The following NXPH1 variants were observed in gnomAD, a reference collection of about 807,000 sequenced individuals.
The protein encoded by NXPH1 is neurexophilin-1.
Under a neutral mutation model 23.7 loss-of-function variants are expected in NXPH1, and 5 were observed. The ratio of observed to expected loss-of-function variants is 0.21; its 90% CI spans 0.11 to 0.44. NXPH1 has a LOEUF of 0.44. Ranked by LOEUF, NXPH1 falls within the 20% of genes least tolerant of loss-of-function variation. NXPH1 has a pLI of 0.99. For missense variants in NXPH1, 324 were observed against 321.6 expected (o/e 1.01, Z -0.06); for synonymous variants, 144 against 122.2 (o/e 1.18, Z -1.18).
chr7:8,617,328 CA>C (rs1286899909), intron 2 of NXPH1, among the ~76,000 whole-genome samples: 1 of 152,156 alleles, frequency 6.6e-6, no homozygotes, highest in South Asian at 2.1e-4. Flanking sequence ...GAAAGGAAAT[CA>C]GTATATCAAA....
chr7:8,585,778 G>C (rs566508458), intron 2 of NXPH1, among the ~76,000 whole-genome samples: 1 of 152,320 alleles, frequency 6.6e-6, no homozygotes, highest in East Asian at 1.9e-4. Flanking sequence ...GGGCAGGGCA[G>C]GCAGACAGCC....
chr7:8,698,605 T>C (rs1779572572), intron 2 of NXPH1, among the ~76,000 whole-genome samples: 1 of 146,144 alleles, frequency 6.8e-6, no homozygotes, highest in South Asian at 2.2e-4. Context: ...TGGGGTACTA[T>C]ACTGATTTTT....
chr7:8,660,004 C>T (rs1158588551), intron 2 of NXPH1, among the ~76,000 whole-genome samples: 4 of 152,138 alleles, frequency 2.6e-5, no homozygotes, highest in Non-Finnish European at 1.5e-5. Context: ...TTGGGGAATA[C>T]TTAAGAGGAG....
intron 2 of NXPH1, among the ~76,000 whole-genome samples, chr7:8,738,565 G>T (rs1780302895): frequency 6.6e-6 from 1 of 152,156 alleles, no homozygotes; most frequent in African/African-American, 2.4e-5. Flanking sequence ...GTCGACCCCT[G>T]CTTGGGGGTA....
chr7:8,566,569 C>T (rs539736768), intron 2 of NXPH1, among the ~76,000 whole-genome samples: 1 of 151,886 alleles, frequency 6.6e-6, no homozygotes, highest in South Asian at 2.1e-4. Context: ...CTCTGTCTCT[C>T]CTGGAGCTGG....
intron 2 of NXPH1, among the ~76,000 whole-genome samples, chr7:8,539,024 G>A (rs1818070326): frequency 6.6e-6 from 1 of 151,894 alleles, no homozygotes; most frequent in Non-Finnish European, 1.5e-5. Flanking sequence ...AATGAGGCTA[G>A]TAAAAGAAAT....
intron 2 of NXPH1, among the ~76,000 whole-genome samples, chr7:8,437,808 T>C (rs376776168): frequency 1.4e-4 from 21 of 152,338 alleles, no homozygotes; most frequent in African/African-American, 4.3e-4. Flanking sequence ...AATTACCGTT[T>C]AGTTACAGAC....
chr7:8,643,177 A>T (rs200697305), intron 2 of NXPH1, among the ~76,000 whole-genome samples: 1 of 20,512 alleles, frequency 4.9e-5, no homozygotes, highest in South Asian at 2.2e-3. Context: ...ATACACTTTT[A>T]TAAGTGAAGG....
At chr7:8,640,792 A>G (rs928526738) in intron 2 of NXPH1, among the ~76,000 whole-genome samples, 1 of 152,076 alleles carries the variant, frequency 6.6e-6, no homozygotes, top group Non-Finnish European at 1.5e-5. Flanking sequence ...CCTCATGACT[A>G]CAAAAAGTAA....
intron 2 of NXPH1, among the ~76,000 whole-genome samples, chr7:8,668,731 T>C (rs144140810): frequency 6.6e-6 from 1 of 151,710 alleles, no homozygotes; most frequent in Non-Finnish European, 1.5e-5. Context: ...GTTCATAGGG[T>C]CTGGCTTGGT....
intron 2 of NXPH1, among the ~76,000 whole-genome samples, chr7:8,686,902 A>G (rs1030590776): frequency 6.6e-6 from 1 of 152,132 alleles, no homozygotes; most frequent in African/African-American, 2.4e-5. Flanking sequence ...ATTACCATAA[A>G]CAAATGACGA....
intron 2 of NXPH1, among the ~76,000 whole-genome samples, chr7:8,734,684 G>A (rs1162207859): frequency 6.6e-6 from 1 of 152,184 alleles, no homozygotes; most frequent in African/African-American, 2.4e-5. Context: ...TTGGGGTGGA[G>A]AGTTCTGTAA....
At chr7:8,685,794 G>C (rs1460077166) in intron 2 of NXPH1, among the ~76,000 whole-genome samples, 1 of 149,756 alleles carries the variant, frequency 6.7e-6, no homozygotes, top group African/African-American at 2.5e-5. Context: ...AGGGAATGGC[G>C]GGGGGAAGTG....
At chr7:8,646,863 A>AT (rs57038153) in intron 2 of NXPH1, among the ~76,000 whole-genome samples, 12 of 149,994 alleles carry the variant, frequency 8.0e-5, no homozygotes, top group African/African-American at 9.8e-5. Flanking sequence ...GGTTTCTGTC[A>AT]TTTTTTTTTT....
intron 2 of NXPH1, among the ~76,000 whole-genome samples, chr7:8,525,911 G>T (rs1295312668): frequency 6.6e-6 from 1 of 152,200 alleles, no homozygotes. Context: ...AGAAATGTGG[G>T]GTTGGAGCCC....
chr7:8,569,011 C>T (rs1021250056), intron 2 of NXPH1, among the ~76,000 whole-genome samples: 1 of 151,826 alleles, frequency 6.6e-6, no homozygotes, highest in Admixed American at 6.6e-5. Flanking sequence ...TGACCCTTGA[C>T]AATATAAGTC....
intron 2 of NXPH1, among the ~76,000 whole-genome samples, chr7:8,677,064 C>A (rs1485171357): frequency 6.6e-6 from 1 of 152,300 alleles, no homozygotes; most frequent in Non-Finnish European, 1.5e-5. Context: ...ATGTAGCCAT[C>A]TGTGATGTCC....
rs181265017 is a variant in NXPH1, at chr7:8,470,417, G to A, written c.54+34650G>A. Among the ~76,000 whole-genome samples, 502 of 152,210 alleles carry A rather than the reference G, an allele frequency of 3.3e-3. 1 individual carries two copies. Among genetic ancestry groups the A allele is most frequent in the Non-Finnish European group, 5.4e-3 (366 of 67,984 alleles). ...TTTTTGAAATAATTTTCCTACAAAG[G>A]GAAACATTTTGCTTTGTTCAAGTTG... On this transcript the variant is annotated intron_variant, in intron 2 of 2. Transcript: ENST00000405863.
intron 2 of NXPH1, among the ~76,000 whole-genome samples, chr7:8,649,359 T>C (rs1345383810): frequency 6.6e-6 from 1 of 152,206 alleles, no homozygotes; most frequent in African/African-American, 2.4e-5. Context: ...TTTTACTTTT[T>C]CCATTTATGT....
Sources: gnomAD v4.1 joint callset for allele counts (sites outside exome capture counted in the v4.1 genomes callset) on GRCh38, gnomAD v4.1.1 for gene constraint, MANE v1.5 for transcripts, NCBI Gene and HGNC (gene_info 2026-07-23, HGNC 2026-07-21) for gene names.